The following SUGP2 variants were observed in gnomAD, a reference collection of about 807,000 sequenced individuals.
SUGP2 encodes the protein SURP and G-patch domain containing 2, also known as SURP and G-patch domain-containing protein 2.
In SUGP2, 24 loss-of-function variants were observed where a neutral mutation model predicts 90.5. That is an observed-to-expected ratio of 0.27 (90% CI 0.19 to 0.37). SUGP2 has a LOEUF of 0.37. SUGP2 is among the 10% of genes least tolerant of loss of function. SUGP2 has a pLI of 1.00. For missense variants in SUGP2, 1,233 were observed against 1,363.3 expected (o/e 0.90, Z 1.51); for synonymous variants, 473 against 513.4 (o/e 0.92, Z 1.06).
chr19:19,004,890 C>T (rs922829146), intron 6 of SUGP2, among the ~76,000 whole-genome samples: 6 of 152,128 alleles, frequency 3.9e-5, no homozygotes, highest in South Asian at 2.1e-4. Flanking sequence ...GGGACAGAGG[C>T]GGACGAACAA....
At chr19:19,028,293 A>T (rs886632297) in intron 2 of SUGP2, among the ~76,000 whole-genome samples, 1 of 152,200 alleles carries the variant, frequency 6.6e-6, no homozygotes. Context: ...GGAGTACCAG[A>T]TCCAAGTCGG....
chr19:19,020,703 G>C (rs1398841420), intron 3 of SUGP2, among the ~76,000 whole-genome samples: 1 of 151,818 alleles, frequency 6.6e-6, no homozygotes, highest in Non-Finnish European at 1.5e-5. Context: ...CTCCCAAAGT[G>C]CTGGGATTAT....
intron 8 of SUGP2, among the ~76,000 whole-genome samples, chr19:18,997,051 T>G (rs919356844): frequency 1.3e-5 from 2 of 151,946 alleles, no homozygotes; most frequent in Non-Finnish European, 2.9e-5. Flanking sequence ...AAGGGCATGC[T>G]GAGTGCTGTG....
At chr19:19,008,617 C>A (rs1266798188) in intron 5 of SUGP2, among the ~76,000 whole-genome samples, 189 bp from the exon 6 acceptor site, 2 of 152,186 alleles carry the variant, frequency 1.3e-5, no homozygotes, top group East Asian at 1.9e-4. Context: ...TGAATCAGGG[C>A]TGGTCCTGGG....
At chr19:18,997,063 G>A (rs952097790) in intron 8 of SUGP2, among the ~76,000 whole-genome samples, 1 of 152,190 alleles carries the variant, frequency 6.6e-6, no homozygotes, top group Admixed American at 6.5e-5. Flanking sequence ...AGTGCTGTGA[G>A]CTCAGGTCTT....
At chr19:19,020,198 G>C (rs945031002) in intron 3 of SUGP2, among the ~76,000 whole-genome samples, 2 of 151,866 alleles carry the variant, frequency 1.3e-5, no homozygotes, top group Non-Finnish European at 1.5e-5. Flanking sequence ...GGAAGGCCAA[G>C]GCAGGCGGAT....
chr19:19,025,492 G>C lies in SUGP2; in HGVS notation c.856C>G (p.Pro286Ala). The change falls in exon 3 of 11, where the codon CCA becomes GCA. Residue 286 changes from proline (P) to alanine (A), a missense_variant. Pro to Ala is a conservative substitution (Grantham distance 27, BLOSUM62 -1). Around this residue, in one of 8 missense-constraint regions of SUGP2, gnomAD observed 418 missense variants for 399.9 expected, o/e 1.05. Coordinates refer to ENST00000452918, the MANE Select transcript of SUGP2 (RefSeq NM_001017392.5). ...GGGAACTGGATATCTTCTGTCCCTG[G>C]GTTTGTCCCCAGGGTCACATCAGGA... ...PSPDVTLGTNPGTEDIQFPIQ... is the reference protein window; with the variant it reads ...PSPDVTLGTNAGTEDIQFPIQ... The C allele has an allele frequency of 1.2e-6, 2 of 1,614,074 alleles. No homozygotes were observed. Among genetic ancestry groups the C allele is most frequent in the Non-Finnish European group, 1.7e-6 (2 of 1,180,002 alleles).
chr19:19,021,702 C>T (rs2058734746), intron 3 of SUGP2, among the ~76,000 whole-genome samples: 1 of 150,620 alleles, frequency 6.6e-6, no homozygotes, highest in South Asian at 2.1e-4. Flanking sequence ...GACTTTTGCT[C>T]ATCACCCAGG....
chr19:19,010,475 C>T (rs1311224974), intron 4 of SUGP2, 133 bp from the exon 5 acceptor site: 1 of 1,270,768 alleles, frequency 7.9e-7, no homozygotes, highest in African/African-American at 1.5e-5. Context: ...CTCTGCCTGG[C>T]TCTACTGAGG....
intron 5 of SUGP2, 59 bp downstream of exon 5, chr19:19,009,796 C>G: frequency 6.5e-7 from 1 of 1,530,982 alleles, no homozygotes; most frequent in Non-Finnish European, 8.7e-7. Flanking sequence ...TAAAGAGACC[C>G]TGGAGATGGG....
At chr19:19,030,120 C>G (rs1258542270) in intron 2 of SUGP2, among the ~76,000 whole-genome samples, 2 of 151,328 alleles carry the variant, frequency 1.3e-5, no homozygotes, top group African/African-American at 4.9e-5. Flanking sequence ...TGCAGACCAG[C>G]CTGAAAACAT....
At chr19:19,027,775 A>C (rs2058991948) in intron 2 of SUGP2, among the ~76,000 whole-genome samples, 1 of 152,044 alleles carries the variant, frequency 6.6e-6, no homozygotes, top group African/African-American at 2.4e-5. Context: ...GTAGCTGGGA[A>C]TACAGGCACC....
At chr19:18,999,574 A>G (rs1338020275) in intron 8 of SUGP2, among the ~76,000 whole-genome samples, 1 of 152,170 alleles carries the variant, frequency 6.6e-6, no homozygotes, top group East Asian at 1.9e-4. Flanking sequence ...AGCTCAGCCT[A>G]AAACCTGGCA....
At chr19:19,021,159 C>CAAAAAA (rs386388689) in intron 3 of SUGP2, among the ~76,000 whole-genome samples, 3 of 66,920 alleles carry the variant, frequency 4.5e-5, no homozygotes, top group African/African-American at 1.2e-4. Flanking sequence ...AATTCCATCT[C>CAAAAAA]AAAAAAAAAA....
At chr19:19,004,135 T>C in intron 7 of SUGP2, 33 bp downstream of exon 7, 2 of 1,491,888 alleles carry the variant, frequency 1.3e-6, no homozygotes, top group Non-Finnish European at 1.8e-6. Context: ...AGAACTGTGC[T>C]AGAGGCAACT....
At chr19:19,029,143 T>TA in intron 2 of SUGP2, among the ~76,000 whole-genome samples, 1 of 148,496 alleles carries the variant, frequency 6.7e-6, no homozygotes, top group Middle Eastern at 3.6e-3. Context: ...CATGCCCAGA[T>TA]AAATTTTTTT....
In SUGP2 at chr19:19,009,921, G is replaced by T. The variant is rs751593135; in HGVS notation, c.2272C>A (p.Pro758Thr). ...GAGATGTCCACTCCTGCTGGCTTGG[G>T]GGATGGGCCTGAGGCTTCTAAGCTG... ...DPSLEASGPS[P>T]KPAGVDISEA... Residue 758 changes from proline (P) to threonine (T), a missense_variant, in exon 5 of 11, where the codon CCC becomes ACC. Pro to Thr is a conservative substitution (Grantham distance 38). Around this residue, in one of 8 missense-constraint regions of SUGP2, gnomAD observed 540 missense variants for 542.6 expected, o/e 1.00. Coordinates refer to ENST00000452918, the MANE Select transcript of SUGP2 (RefSeq NM_001017392.5). 3.7e-5 allele frequency: 60 copies of T among 1,614,064 alleles called. No homozygotes were observed. Among genetic ancestry groups the T allele is most frequent in the Non-Finnish European group, 5.1e-5 (60 of 1,180,036 alleles).
chr19:19,016,195 AT>A (rs566185847), intron 4 of SUGP2, among the ~76,000 whole-genome samples: 2 of 150,702 alleles, frequency 1.3e-5, no homozygotes, highest in Non-Finnish European at 3.0e-5. Context: ...GGCCCGGCTA[AT>A]TTTTTTTTGT....
At chr19:19,020,912 C>A (rs2058699653) in intron 3 of SUGP2, among the ~76,000 whole-genome samples, 1 of 151,980 alleles carries the variant, frequency 6.6e-6, no homozygotes, top group South Asian at 2.1e-4. Context: ...GTAATCCCAG[C>A]ACTTTGGGAG....
Sources: gnomAD v4.1 joint callset for allele counts (sites outside exome capture counted in the v4.1 genomes callset) on GRCh38, gnomAD v4.1.1 for gene constraint, gnomAD v4.1.1 regional missense constraint, MANE v1.5 for transcripts, NCBI Gene and HGNC (gene_info 2026-07-23, HGNC 2026-07-21) for gene names.